SLC4A5: variants seen among roughly 807,000 people sequenced by gnomAD.
SLC4A5 encodes the protein solute carrier family 4 member 5.
SLC4A5 carries 96 observed loss-of-function variants against 120.4 expected under a neutral mutation model. The observed-to-expected ratio is 0.80, with a 90% CI of 0.68 to 0.94. The LOEUF is 0.94. SLC4A5 is among the 40% of genes least tolerant of loss of function. The pLI is 0.00. For missense variants in SLC4A5, 1,259 were observed against 1,459.5 expected, an observed-to-expected ratio of 0.86 and a Z score of 2.24; for synonymous variants, 550 against 571.1, an observed-to-expected ratio of 0.96 and a Z score of 0.53.
chr2:74,290,587 T>TGAGA, intron 7 of SLC4A5: 3 of 936,386 alleles, frequency 3.2e-6, no homozygotes, highest in Non-Finnish European at 3.8e-6. Flanking sequence ...ATTAAAGATC[T>TGAGA]GAGAGAGAGA....
At chr2:74,322,463 A>G (rs1346454514) in intron 5 of SLC4A5, among the ~76,000 whole-genome samples, 2 of 152,198 alleles carry the variant, frequency 1.3e-5, no homozygotes, top group Admixed American at 6.5e-5. Flanking sequence ...TCATAAAATT[A>G]TGTAGAGGAA....
At chr2:74,251,770 C>T (rs1171120681) in intron 16 of SLC4A5, among the ~76,000 whole-genome samples, 2 of 152,162 alleles carry the variant, frequency 1.3e-5, no homozygotes, top group Non-Finnish European at 2.9e-5. Flanking sequence ...CCACCAGAAG[C>T]CAGGAGGAGG....
intron 4 of SLC4A5, among the ~76,000 whole-genome samples, chr2:74,329,708 A>G (rs1673305369): frequency 6.6e-6 from 1 of 151,788 alleles, no homozygotes; most frequent in Admixed American, 6.6e-5. Context: ...AGAGGTGGTG[A>G]GATGTATATG....
chr2:74,342,435 T>C (rs1452779052), intron 2 of SLC4A5, 23 bp downstream of exon 2: 1 of 152,102 alleles, frequency 6.6e-6, no homozygotes, highest in East Asian at 1.9e-4. Context: ...CCATCCAAAA[T>C]AAAGGAGGTG....
intron 8 of SLC4A5, among the ~76,000 whole-genome samples, chr2:74,271,159 T>A (rs1671463440): frequency 6.6e-6 from 1 of 152,188 alleles, no homozygotes. Flanking sequence ...GCTGCTGGTC[T>A]GCAGATCACC....
rs183686790 is a variant in SLC4A5, at chr2:74,235,610, G to C, written c.2320-396C>G. On this transcript the variant is annotated intron_variant, in intron 21 of 30. Transcript: ENST00000394019. ...CACCCAGCAGGTATGATGAGGGCAA[G>C]GGCTGGACTCTGAAGCAAACCTTAG... Among the ~76,000 whole-genome samples the C allele has an allele frequency of 6.6e-5, 10 of 152,330 alleles. No homozygotes were observed. In the East Asian group the frequency reaches 1.9e-3, roughly 29 times the overall value.
chr2:74,236,392 G>A (rs1267892584), intron 21 of SLC4A5, among the ~76,000 whole-genome samples: 3 of 151,950 alleles, frequency 2.0e-5, no homozygotes, highest in Non-Finnish European at 4.4e-5. Flanking sequence ...CATTAGCTTT[G>A]GCTAATATCT....
At chr2:74,259,440 C>A in intron 12 of SLC4A5, 148 bp downstream of exon 12, 2 of 888,348 alleles carry the variant, frequency 2.3e-6, no homozygotes, top group Non-Finnish European at 3.7e-6. Flanking sequence ...GTCCCCCAGG[C>A]AGCCCAGAGT....
chr2:74,256,244 G>T (rs1248523431), intron 12 of SLC4A5, among the ~76,000 whole-genome samples: 1 of 152,152 alleles, frequency 6.6e-6, no homozygotes, highest in Non-Finnish European at 1.5e-5. Context: ...CCCCGGGGTT[G>T]CCGGACATCA....
intron 30 of SLC4A5, among the ~76,000 whole-genome samples, chr2:74,219,176 GGTGTGTGTGTGTGTGTGTGT>G (rs58141033): frequency 7.4e-5 from 10 of 134,264 alleles, no homozygotes; most frequent in South Asian, 5.0e-4. Flanking sequence ...GCTCTTTGGA[GGTGTGTGTGTGTGTGTGTGT>G]GTGTGTGTGT....
chr2:74,254,717 GAT>G lies in SLC4A5; in HGVS notation c.1026-13_1026-12del. The G allele has an allele frequency of 6.3e-7, 1 of 1,579,452 alleles. No homozygotes were observed. Among genetic ancestry groups the G allele is most frequent in the Non-Finnish European group, 8.7e-7 (1 of 1,148,720 alleles). On this transcript the variant is annotated splice_polypyrimidine_tract_variant and intron_variant, in intron 13 of 30. Transcript: ENST00000394019. ...AGTATAAACAGAAATCTGCAAAGAA[GAT>G]GGAGGAGGAGACAGAGAAGATTAAG...
intron 7 of SLC4A5, among the ~76,000 whole-genome samples, chr2:74,293,836 G>A (rs1672248190): frequency 1.3e-5 from 2 of 152,208 alleles, no homozygotes; most frequent in African/African-American, 4.8e-5. Flanking sequence ...AAATTCTAGA[G>A]TGTGGAGATT....
At chr2:74,239,421 G>A (rs765290549) in exon 21 of SLC4A5, 4 of 1,614,214 alleles carry the variant, frequency 2.5e-6, no homozygotes, top group South Asian at 2.2e-5. Flanking sequence ...AAGGACATGA[G>A]CGCCAGGTCT....
At chr2:74,285,536 G>C (rs984950220) in intron 8 of SLC4A5, among the ~76,000 whole-genome samples, 8 of 152,224 alleles carry the variant, frequency 5.3e-5, no homozygotes, top group South Asian at 2.1e-4. Flanking sequence ...TACTCTCAGA[G>C]TTTCATGGAT....
At chr2:74,343,132 C>T (rs1440587908) in intron 1 of SLC4A5, among the ~76,000 whole-genome samples, 4 of 152,194 alleles carry the variant, frequency 2.6e-5, no homozygotes, top group Admixed American at 6.5e-5. Context: ...GTTACTTGTC[C>T]TTTGCTATGT....
intron 8 of SLC4A5, among the ~76,000 whole-genome samples, chr2:74,272,965 T>A (rs1671522401): frequency 6.6e-6 from 1 of 152,262 alleles, no homozygotes; most frequent in Non-Finnish European, 1.5e-5. Flanking sequence ...GGAAACTTCG[T>A]AACTCCCACT....
intron 7 of SLC4A5, among the ~76,000 whole-genome samples, chr2:74,289,105 T>A (rs2104189597): frequency 6.6e-6 from 1 of 152,326 alleles, no homozygotes; most frequent in Non-Finnish European, 1.5e-5. Flanking sequence ...GTTGTCCCAT[T>A]TAATCCCATT....
chr2:74,238,851 C>T (rs922826188), intron 21 of SLC4A5, among the ~76,000 whole-genome samples: 2 of 151,980 alleles, frequency 1.3e-5, no homozygotes, highest in African/African-American at 2.4e-5. Flanking sequence ...TCAAAAGATG[C>T]CATTAAGGAT....
chr2:74,270,037 T>A (rs547478663), intron 8 of SLC4A5, among the ~76,000 whole-genome samples: 1 of 152,212 alleles, frequency 6.6e-6, no homozygotes, highest in South Asian at 2.1e-4. Flanking sequence ...CACATGAGAA[T>A]AGCCTGCATA....
Sources: allele counts gnomAD v4.1 joint callset (sites outside exome capture counted in the v4.1 genomes callset), GRCh38; gene constraint gnomAD v4.1.1; transcripts MANE v1.5; gene names NCBI Gene and HGNC (gene_info 2026-07-23, HGNC 2026-07-21).